MAGI2: variants seen among roughly 807,000 people sequenced by gnomAD.
MAGI2 encodes membrane-associated guanylate kinase, WW and PDZ domain-containing protein 2.
MAGI2 carries 35 observed loss-of-function variants against 133.3 expected under a neutral mutation model. The ratio of observed to expected loss-of-function variants is 0.26; its 90% CI spans 0.20 to 0.35. MAGI2 has a LOEUF of 0.35. Ranked by LOEUF, MAGI2 falls within the 10% of genes least tolerant of loss-of-function variation. The pLI, the probability that MAGI2 is intolerant of heterozygous loss-of-function variation, is 1.00. For synonymous variants in MAGI2, 729 were observed against 710.6 expected, an observed-to-expected ratio of 1.03 and a Z score of -0.41; for missense variants, 1,636 against 1,863.4, an observed-to-expected ratio of 0.88 and a Z score of 2.25.
intron 10 of MAGI2, among the ~76,000 whole-genome samples, chr7:78,240,861 C>CT (rs1791060961): frequency 6.6e-6 from 1 of 151,802 alleles, no homozygotes; most frequent in Non-Finnish European, 1.5e-5. Flanking sequence ...CATATATTAG[C>CT]TAGGTATTCA....
chr7:79,171,770 A>ATATATATATATTT, intron 1 of MAGI2, among the ~76,000 whole-genome samples: 44 of 31,208 alleles, frequency 1.4e-3, no homozygotes, highest in African/African-American at 2.5e-3. Flanking sequence ...ATATATATAT[A>ATATATATATATTT]TTTTTTTTTT....
intron 3 of MAGI2, among the ~76,000 whole-genome samples, chr7:78,587,690 C>G (rs1803570458): frequency 1.3e-5 from 2 of 152,208 alleles, no homozygotes; most frequent in African/African-American, 4.8e-5. Context: ...CATGTATCAT[C>G]CTCCACATTT....
intron 10 of MAGI2, among the ~76,000 whole-genome samples, chr7:78,234,385 TCTCCATAAATG>T (rs1790287601): frequency 6.6e-6 from 1 of 152,048 alleles, no homozygotes; most frequent in African/African-American, 2.4e-5. Context: ...ACTAAAAAAT[TCTCCATAAATG>T]TACCACACAA....
At chr7:78,177,467 C>G (rs1826769982) in intron 14 of MAGI2, among the ~76,000 whole-genome samples, 1 of 152,086 alleles carries the variant, frequency 6.6e-6, no homozygotes, top group Non-Finnish European at 1.5e-5. Context: ...CACATACACA[C>G]ACACAAAGTG....
intron 3 of MAGI2, among the ~76,000 whole-genome samples, chr7:78,587,579 A>G (rs2150831903): frequency 6.6e-6 from 1 of 152,336 alleles, no homozygotes; most frequent in African/African-American, 2.4e-5. Context: ...TGCAAACAAA[A>G]TTTAATCACT....
intron 2 of MAGI2, among the ~76,000 whole-genome samples, chr7:78,777,920 C>T (rs1018674755): frequency 6.6e-6 from 1 of 152,148 alleles, no homozygotes. Context: ...GAAGGTAATT[C>T]ATCATATATT....
intron 1 of MAGI2, among the ~76,000 whole-genome samples, chr7:79,089,121 C>A (rs1417213258): frequency 6.6e-6 from 1 of 151,964 alleles, no homozygotes; most frequent in Non-Finnish European, 1.5e-5. Flanking sequence ...AGACAAACAA[C>A]CCCATCAAAA....
chr7:79,131,142 A>C (rs1820903635), intron 1 of MAGI2, among the ~76,000 whole-genome samples: 1 of 152,198 alleles, frequency 6.6e-6, no homozygotes, highest in African/African-American at 2.4e-5. Flanking sequence ...GAGGTAATTT[A>C]GGGGAAAGTA....
chr7:79,271,968 C>T (rs549466606), intron 1 of MAGI2, among the ~76,000 whole-genome samples: 3 of 152,092 alleles, frequency 2.0e-5, no homozygotes, highest in African/African-American at 4.8e-5. Flanking sequence ...TTAATGAGAA[C>T]CACACTGGTT....
At chr7:78,496,096 C>T (rs981705095) in intron 5 of MAGI2, among the ~76,000 whole-genome samples, 26 of 151,986 alleles carry the variant, frequency 1.7e-4, no homozygotes, top group East Asian at 1.5e-3. Flanking sequence ...TGTTGTTTAA[C>T]GTTTTTTGGA....
intron 1 of MAGI2, among the ~76,000 whole-genome samples, chr7:79,013,665 A>C (rs1322026229): frequency 6.6e-6 from 1 of 152,174 alleles, no homozygotes; most frequent in African/African-American, 2.4e-5. Flanking sequence ...AACAGCCTCC[A>C]TTCCCTTTTT....
intron 2 of MAGI2, among the ~76,000 whole-genome samples, chr7:78,919,107 A>G (rs1799028641): frequency 6.6e-6 from 1 of 152,074 alleles, no homozygotes; most frequent in South Asian, 2.1e-4. Context: ...AACATTGCAT[A>G]GTGGAAGAGT....
At chr7:78,104,821 C>T (rs986817220) in intron 20 of MAGI2, among the ~76,000 whole-genome samples, 2 of 152,098 alleles carry the variant, frequency 1.3e-5, no homozygotes, top group East Asian at 3.9e-4. Context: ...GCTCCCTCAT[C>T]AGCACTCCAA....
intron 1 of MAGI2, among the ~76,000 whole-genome samples, chr7:79,053,473 C>T (rs1349267200): frequency 1.3e-5 from 2 of 152,110 alleles, no homozygotes. Flanking sequence ...TACATTTCCA[C>T]TGTCCATGTC....
rs117793128 is a variant in MAGI2, at chr7:78,320,499, T to A, written c.1408+23279A>T. On this transcript the variant is annotated intron_variant, in intron 9 of 21. Coordinates refer to ENST00000354212, the MANE Select transcript of MAGI2 (RefSeq NM_012301.4). Reference sequence around the variant, plus strand: ...AAATCAATAAATGTAATCCATCACATAAGCCGAACCAATGACAAAAAACAC... The same window carrying A: ...AAATCAATAAATGTAATCCATCACAAAAGCCGAACCAATGACAAAAAACAC... 9.6e-3 allele frequency among the ~76,000 whole-genome samples: 1,458 copies of A among 152,282 alleles called. 10 individuals are homozygous for A. Among genetic ancestry groups the A allele is most frequent in the Non-Finnish European group, 0.014 (979 of 68,020 alleles).
intron 2 of MAGI2, among the ~76,000 whole-genome samples, chr7:78,763,358 C>A (rs564835366): frequency 3.3e-4 from 50 of 152,266 alleles, no homozygotes; most frequent in African/African-American, 9.6e-4. Context: ...CCGCACAGAA[C>A]AGATTTTCAT....
At chr7:78,593,281 A>G (rs978403817) in intron 3 of MAGI2, among the ~76,000 whole-genome samples, 2 of 151,896 alleles carry the variant, frequency 1.3e-5, no homozygotes, top group African/African-American at 2.4e-5. Context: ...AGTCCCAGCT[A>G]CTCGGGAGGC....
chr7:79,213,065 G>A (rs566542854), intron 1 of MAGI2, among the ~76,000 whole-genome samples: 34 of 151,944 alleles, frequency 2.2e-4, no homozygotes, highest in Non-Finnish European at 3.8e-4. Flanking sequence ...TAGTGAGGGC[G>A]GGTGGATCGA....
intron 1 of MAGI2, among the ~76,000 whole-genome samples, chr7:79,106,110 T>A (rs7790562): frequency 0.68 from 103,818 of 152,030 alleles, 38,183 homozygotes; most frequent in Non-Finnish European, 0.83. Context: ...AGCCAAAAAT[T>A]TAGGAATTAT....
Sources: gnomAD v4.1 joint callset for allele counts (sites outside exome capture counted in the v4.1 genomes callset) on GRCh38, gnomAD v4.1.1 for gene constraint, MANE v1.5 for transcripts, NCBI Gene and HGNC (gene_info 2026-07-23, HGNC 2026-07-21) for gene names.